The following DCAF10 variants were observed in gnomAD, a reference collection of about 807,000 sequenced individuals.
DCAF10 encodes DDB1 and CUL4 associated factor 10.
DCAF10 carries 19 observed loss-of-function variants against 51.9 expected under a neutral mutation model. That is an observed-to-expected ratio of 0.37 (90% CI 0.26 to 0.54). DCAF10 has a LOEUF of 0.54. Among genes scored for constraint, DCAF10 ranks in the 20% least tolerant of loss-of-function variants. The pLI is 0.87. For synonymous variants in DCAF10, 291 were observed against 297.1 expected (o/e 0.98, Z 0.21); for missense variants, 510 against 730.6 (o/e 0.70, Z 3.48).
At chr9:37,850,844 A>G (rs1208641362) in intron 3 of DCAF10, among the ~76,000 whole-genome samples, 10 of 30,210 alleles carry the variant, frequency 3.3e-4, no homozygotes, top group Admixed American at 1.6e-3. Flanking sequence ...ATATATATAT[A>G]TATATATATA....
intron 1 of DCAF10, among the ~76,000 whole-genome samples, chr9:37,815,647 A>G (rs1829502579): frequency 6.8e-6 from 1 of 146,776 alleles, no homozygotes; most frequent in Admixed American, 6.8e-5. Flanking sequence ...CTCTGTCTCC[A>G]ATAAAAAAAA....
intron 1 of DCAF10, among the ~76,000 whole-genome samples, chr9:37,811,698 CA>C (rs528872459): frequency 9.2e-5 from 14 of 151,890 alleles, no homozygotes; most frequent in Admixed American, 6.6e-4. Flanking sequence ...TCAGATTTAC[CA>C]AAATGGGACA....
chr9:37,846,877 TATAG>T (rs1351784523), intron 3 of DCAF10, among the ~76,000 whole-genome samples: 4 of 152,108 alleles, frequency 2.6e-5, no homozygotes, highest in African/African-American at 9.7e-5. Context: ...TCTTCCAGAA[TATAG>T]AGGAGACAGG....
In DCAF10 at chr9:37,840,677, ATTAAT is replaced by A. The variant is rs1326752505; in HGVS notation, c.654-1408_654-1404del. On this transcript the variant is annotated intron_variant, in intron 2 of 6. Coordinates refer to ENST00000377724, the MANE Select transcript of DCAF10 (RefSeq NM_024345.5). Reference sequence around the variant, plus strand: ...TTTATTACTGATGAAAAATTTTTAAATTAATTTAGTGTAGCCTAAGTGTACAGTCT... The same window carrying A: ...TTTATTACTGATGAAAAATTTTTAAATTAGTGTAGCCTAAGTGTACAGTCT... 2.6e-5 allele frequency among the ~76,000 whole-genome samples: 4 copies of A among 152,324 alleles called. No individual in the cohort carries two copies. The East Asian group carries it at 7.7e-4, about 29-fold the overall frequency.
chr9:37,857,543 A>G (rs1331786283), intron 5 of DCAF10, among the ~76,000 whole-genome samples, 192 bp downstream of exon 5: 1 of 152,214 alleles, frequency 6.6e-6, no homozygotes. Context: ...ATCTTGAGTT[A>G]AATCTTAATA....
At position 37,804,598 on chromosome 9, in the gene DCAF10, G is replaced by A. The variant is rs188452655; in HGVS notation, c.539+3193G>A. On this transcript the variant is annotated intron_variant, in intron 1 of 6. Transcript: ENST00000377724. Reference sequence around the variant, plus strand: ...TCGAGACCAGCCTGACCAACATGGAGAAACCCTGTCTCTACTAAAAATACA... The same window carrying A: ...TCGAGACCAGCCTGACCAACATGGAAAAACCCTGTCTCTACTAAAAATACA... Among the ~76,000 whole-genome samples the A allele has an allele frequency of 6.9e-3, 1,047 of 152,218 alleles. 15 individuals are homozygous for A. Among genetic ancestry groups the A allele is most frequent in the African/African-American group, 0.024 (1,003 of 41,530 alleles).
chr9:37,838,868 C>CAA (rs893579427), intron 2 of DCAF10, among the ~76,000 whole-genome samples: 1 of 120,686 alleles, frequency 8.3e-6, no homozygotes. Context: ...ACTCTGTCTC[C>CAA]AAAAAAAAAA....
At position 37,834,289 on chromosome 9, in the gene DCAF10, T is replaced by G. The variant is rs574337662; in HGVS notation, c.654-7800T>G. On this transcript the variant is annotated intron_variant, in intron 2 of 6. Transcript: ENST00000377724. ...AAACAGCAACTTCCAATATCAAAGTTTTTAATAAGTAATATTTTGAGGCAA... is the reference window on the plus strand; with the variant it reads ...AAACAGCAACTTCCAATATCAAAGTGTTTAATAAGTAATATTTTGAGGCAA... Among the ~76,000 whole-genome samples the G allele has an allele frequency of 8.5e-5, 13 of 152,254 alleles. No homozygotes were observed. In the South Asian group the frequency reaches 2.5e-3, roughly 29 times the overall value.
rs1831111570 is a variant in DCAF10 at position 37,865,140 on chromosome 9, T to G, written c.*3632T>G. ...ATCATGTAAAAAAAATTCATAAGAT[T>G]AACAATTTCCATGAGAATATCATAA... is the stretch of plus-strand genomic sequence containing the variant. On this transcript the variant is annotated 3_prime_UTR_variant, in exon 7 of 7. Coordinates refer to ENST00000377724, the MANE Select transcript of DCAF10 (RefSeq NM_024345.5). 6.6e-6 allele frequency: 1 copy of G among 151,846 alleles called. No individual in the cohort carries two copies. The highest frequency in any genetic ancestry group is 2.4e-5 in the African/African-American group (1 of 41,322). The allele number at this position is 151,846 out of a possible 1,614,324, so 9.4% of individuals were successfully genotyped here. A position where few individuals can be genotyped will look rare whatever the true frequency, so the allele number is the denominator to read the frequency against.
intron 2 of DCAF10, among the ~76,000 whole-genome samples, chr9:37,827,631 G>A (rs1282788150): frequency 6.6e-6 from 1 of 152,196 alleles, no homozygotes; most frequent in Non-Finnish European, 1.5e-5. Context: ...GAAGTAAACA[G>A]GTGTTCAGTT....
intron 1 of DCAF10, among the ~76,000 whole-genome samples, chr9:37,807,006 A>G (rs928601051): frequency 1.2e-4 from 19 of 152,252 alleles, no homozygotes; most frequent in Admixed American, 9.8e-4. Context: ...ATAATTAAGT[A>G]TATCAATAAA....
Position 37,861,376 on chromosome 9 carries a change from T to G in DCAF10, c.1548T>G (p.Ser516Arg), listed in dbSNP as rs368448137. 2 of 1,614,064 alleles carry G rather than the reference T, an allele frequency of 1.2e-6. No homozygotes were observed. The highest frequency in any genetic ancestry group is 2.7e-5 in the African/African-American group (2 of 74,906). The change falls in exon 7 of 7, where the codon AGT becomes AGG. Residue 516 changes from serine (S) to arginine (R), a missense_variant. This residue lies in a region of DCAF10 where 104 missense variants were observed against 206.2 expected (regional missense o/e 0.50). Coordinates refer to ENST00000377724, the MANE Select transcript of DCAF10 (RefSeq NM_024345.5). The surrounding 1 kb of genome is among the most constrained non-coding windows in gnomAD (Gnocchi z 4.9). ...ELVDCLPKEA[S>R]PLRVIRSLYS... ...TTGACTGCTTGCCCAAAGAAGCCAG[T>G]CCCCTGCGGGTGATCCGTTCTCTGT...
chr9:37,804,792 A>G (rs890569155), intron 1 of DCAF10, among the ~76,000 whole-genome samples: 10 of 152,006 alleles, frequency 6.6e-5, no homozygotes, highest in African/African-American at 2.4e-4. Context: ...AAAAAAGTAG[A>G]GAAAAAAGGC....
At chr9:37,825,564 G>C (rs1829826728) in intron 2 of DCAF10, among the ~76,000 whole-genome samples, 1 of 152,196 alleles carries the variant, frequency 6.6e-6, no homozygotes, top group African/African-American at 2.4e-5. Context: ...AGACGCTGGG[G>C]CCTTCCAGAG....
Position 37,801,215 on chromosome 9 carries a change from G to T in DCAF10, c.349G>T (p.Gly117Cys). Residue 117 changes from glycine (G) to cysteine (C), a missense_variant, in exon 1 of 7, where the codon GGC becomes TGC. Gly to Cys is a radical substitution (Grantham distance 159). This residue lies in a region of DCAF10 where 251 missense variants were observed against 227.9 expected (regional missense o/e 1.10). Coordinates refer to ENST00000377724, the MANE Select transcript of DCAF10 (RefSeq NM_024345.5). The surrounding 1 kb of genome is among the most constrained non-coding windows in gnomAD (Gnocchi z 5.5). ...RGRHGLGAGL[G>C]GPGARLFGWL... ...CCGACACGGCCTCGGCGCGGGCCTG[G>T]GCGGCCCTGGCGCTAGGCTGTTCGG... 2 of 1,561,838 alleles carry T rather than the reference G, an allele frequency of 1.3e-6. No homozygotes were observed. Among genetic ancestry groups the T allele is most frequent in the Non-Finnish European group, 1.7e-6 (2 of 1,156,454 alleles).
chr9:37,823,716 A>G (rs1829772281), intron 2 of DCAF10, among the ~76,000 whole-genome samples: 1 of 152,132 alleles, frequency 6.6e-6, no homozygotes, highest in Admixed American at 6.6e-5. Context: ...ACTAAAAAAG[A>G]AAAGAGGTAA....
rs75986742 is a variant in DCAF10 at position 37,801,488 on chromosome 9, G to C, written c.539+83G>C. On this transcript the variant is annotated intron_variant, in intron 1 of 6. Coordinates refer to ENST00000377724, the MANE Select transcript of DCAF10 (RefSeq NM_024345.5). The surrounding 1 kb of genome is among the most constrained non-coding windows in gnomAD (Gnocchi z 5.5). ...GACGGCCGTCCTGGGCTCGCTCCCC[G>C]CGCCCGGGCCGAGGTTAGCGAGGCC... The C allele has an allele frequency of 0.17, 220,102 of 1,333,522 alleles. 19,188 individuals carry two copies. The highest frequency in any genetic ancestry group is 0.27 in the African/African-American group (17,526 of 64,712). The allele number at this position is 1,333,522 out of a possible 1,614,324, so 82.6% of individuals were successfully genotyped here.
chr9:37,844,516 T>A (rs1468753206), intron 3 of DCAF10, among the ~76,000 whole-genome samples: 1 of 152,192 alleles, frequency 6.6e-6, no homozygotes, highest in East Asian at 1.9e-4. Flanking sequence ...CCAGGCGTGG[T>A]GGCTGGCACC....
At chr9:37,810,513 G>C (rs1043767174) in intron 1 of DCAF10, among the ~76,000 whole-genome samples, 1 of 151,912 alleles carries the variant, frequency 6.6e-6, no homozygotes, top group Non-Finnish European at 1.5e-5. Flanking sequence ...CCAGGCTGGA[G>C]CGCAATGGCG....
Sources: allele counts gnomAD v4.1 joint callset (sites outside exome capture counted in the v4.1 genomes callset), GRCh38; gene constraint gnomAD v4.1.1; regional missense constraint gnomAD v4.1.1; non-coding constraint Gnocchi (gnomAD v3.1); transcripts MANE v1.5; gene names NCBI Gene and HGNC (gene_info 2026-07-23, HGNC 2026-07-21).